The following SH2B1 variants were observed in gnomAD, a reference collection of about 807,000 sequenced individuals.
SH2B1 encodes the protein SH2B adaptor protein 1, also known as SH2B adapter protein 1.
A neutral mutation model predicts 62.6 loss-of-function variants in SH2B1; 15 were observed. The observed-to-expected ratio is 0.24, with a 90% CI of 0.16 to 0.37. SH2B1 has a LOEUF of 0.37. Ranked by LOEUF, SH2B1 falls within the 10% of genes least tolerant of loss-of-function variation. The pLI is 1.00. For missense variants in SH2B1, 925 were observed against 1,015.6 expected (o/e 0.91, Z 1.21); for synonymous variants, 443 against 438.0 (o/e 1.01, Z -0.14).
Position 28,872,442 on chromosome 16 carries a change from T to TG in SH2B1, c.1725+43dup. The TG allele has an allele frequency of 6.4e-7, 1 of 1,573,668 alleles. No homozygotes were observed. Among genetic ancestry groups the TG allele is most frequent in the Non-Finnish European group, 8.6e-7 (1 of 1,156,502 alleles). On this transcript the variant is annotated intron_variant, in intron 6 of 7. Coordinates refer to ENST00000684370, the MANE Select transcript of SH2B1 (RefSeq NM_001387430.1). This position sits in a 1 kb window ranked among gnomAD's most constrained non-coding sequence, Gnocchi z 5.3. ...GGAAAGGCTCTGTTCTGTGCATAGT[T>TG]GGCAGTGGGGTGGGGGAGCACTGCC...
chr16:28,848,535 T>G (rs1277674135), intron 1 of SH2B1, among the ~76,000 whole-genome samples: 3 of 152,110 alleles, frequency 2.0e-5, no homozygotes, highest in Non-Finnish European at 4.4e-5. Flanking sequence ...TGTTTCACAA[T>G]CAGCGCTCCC....
chr16:28,864,990 C>A lies in SH2B1; in HGVS notation c.-1105C>A, dbSNP rs769461976. Reference sequence around the variant, plus strand: ...GCTCAGAGAGGACGTGGAATTTGTTCAAGATAACATCGCTCATAAGGTGGC... The same window carrying A: ...GCTCAGAGAGGACGTGGAATTTGTTAAAGATAACATCGCTCATAAGGTGGC... On this transcript the variant is annotated 5_prime_UTR_variant, in exon 1 of 8. Coordinates refer to ENST00000684370, the MANE Select transcript of SH2B1 (RefSeq NM_001387430.1). The A allele has an allele frequency of 1.6e-6, 1 of 634,804 alleles. No homozygotes were observed. Among genetic ancestry groups the A allele is most frequent in the Non-Finnish European group, 2.0e-6 (1 of 509,946 alleles). The allele number at this position is 634,804 out of a possible 1,614,324, so 39.3% of individuals were successfully genotyped here.
chr16:28,853,042 A>G (rs1398292924), intron 1 of SH2B1, among the ~76,000 whole-genome samples: 34 of 101,068 alleles, frequency 3.4e-4, no homozygotes, highest in African/African-American at 1.7e-3. Flanking sequence ...ATGTACATAT[A>G]TATTTATATA....
intron 1 of SH2B1, among the ~76,000 whole-genome samples, chr16:28,850,897 G>A (rs915217628): frequency 4.8e-5 from 7 of 146,494 alleles, no homozygotes; most frequent in African/African-American, 1.5e-4. Flanking sequence ...AAAAAGGGCC[G>A]GACGTGGTGG....
intron 2 of SH2B1, among the ~76,000 whole-genome samples, chr16:28,867,943 C>T (rs1174491098): frequency 6.6e-6 from 1 of 152,018 alleles, no homozygotes; most frequent in East Asian, 1.9e-4. Context: ...ATTCTTGTGC[C>T]TCAGCCTCCT....
chr16:28,869,453 A>T, intron 4 of SH2B1, 70 bp downstream of exon 4: 9 of 1,423,604 alleles, frequency 6.3e-6, no homozygotes, highest in Non-Finnish European at 8.6e-6. Context: ...GTCAGGCGCC[A>T]TGCCCTCTCC....
At chr16:28,870,100 C>T (rs753878833) in intron 4 of SH2B1, among the ~76,000 whole-genome samples, 96 of 152,180 alleles carry the variant, frequency 6.3e-4, no homozygotes, top group Non-Finnish European at 2.6e-4. Context: ...GCCATGCTGT[C>T]TGTGCACCAC....
At chr16:28,862,968 T>C (rs1451518912), upstream of SH2B1, 1 of 149,032 alleles carries the variant, frequency 6.7e-6, no homozygotes, top group Non-Finnish European at 1.5e-5. Context: ...TCTAGTTCTG[T>C]TGCCTGGGCT....
At chr16:28,850,548 A>G (rs867848833) in intron 1 of SH2B1, among the ~76,000 whole-genome samples, 1 of 152,020 alleles carries the variant, frequency 6.6e-6, no homozygotes, top group African/African-American at 2.4e-5. Context: ...CCTGTGTGAC[A>G]GTGCCAGACC....
Position 28,865,503 on chromosome 16 carries a change from C to G in SH2B1, c.-592C>G, listed in dbSNP as rs982289838. 1.0e-6 allele frequency: 1 copy of G among 985,664 alleles called. No individual in the cohort carries two copies. Among genetic ancestry groups the G allele is most frequent in the African/African-American group, 1.7e-5 (1 of 57,366 alleles). The allele number at this position is 985,664 out of a possible 1,614,324, so 61.1% of individuals were successfully genotyped here. On this transcript the variant is annotated 5_prime_UTR_variant, in exon 1 of 8. Coordinates refer to ENST00000684370, the MANE Select transcript of SH2B1 (RefSeq NM_001387430.1). ...TGAGGTGCTATGGCTGAGGCTGGCC[C>G]AGCCGGGCCCTGGGGACAGGGACTA...
At chr16:28,848,715 C>A (rs183253248) in intron 1 of SH2B1, among the ~76,000 whole-genome samples, 1 of 148,716 alleles carries the variant, frequency 6.7e-6, no homozygotes, top group African/African-American at 2.5e-5. Context: ...CTCTGTTGCC[C>A]AGCTGGAGTG....
intron 1 of SH2B1, among the ~76,000 whole-genome samples, chr16:28,847,653 CA>C (rs978805825): frequency 1.3e-5 from 2 of 150,302 alleles, no homozygotes; most frequent in Admixed American, 6.6e-5. Flanking sequence ...CCTATCTCTA[CA>C]AAAAAAAATT....
rs1213561428 is a variant in SH2B1 at position 28,870,729 on chromosome 16, G to T, written c.1310-1051G>T. ...GATAGGGTCTTGTTATGTCTCCCAG[G>T]CTGGAGTGCAGTGGTGCAGTCACAG... On this transcript the variant is annotated intron_variant, in intron 4 of 7. Transcript: ENST00000684370. Among the ~76,000 whole-genome samples the T allele has an allele frequency of 3.9e-5, 6 of 152,036 alleles. No homozygotes were observed. In the East Asian group the frequency reaches 1.2e-3, roughly 29 times the overall value.
Position 28,866,840 on chromosome 16 carries a change from G to A in SH2B1, c.746G>A (p.Arg249Lys). The A allele has an allele frequency of 6.2e-7, 1 of 1,602,030 alleles. No individual in the cohort carries two copies. The highest frequency in any genetic ancestry group is 8.5e-7 in the Non-Finnish European group (1 of 1,174,298). Residue 249 changes from arginine (R) to lysine (K), a missense_variant, in exon 1 of 8, where the codon AGG becomes AAG. Transcript: ENST00000684370. This position sits in a 1 kb window ranked among gnomAD's most constrained non-coding sequence, Gnocchi z 6.3. ...AAGGATGGAGCAGGGATGGTGCAGA[G>A]GGAAGAGCTGCTGAGTTTCATGGGG... ...ALKDGAGMVQREELLSFMGAE... is the reference protein window; with the variant it reads ...ALKDGAGMVQKEELLSFMGAE...
At chr16:28,869,156 C>A (rs890761452) in intron 3 of SH2B1, 52 bp from the exon 4 acceptor site, 1 of 1,613,198 alleles carries the variant, frequency 6.2e-7, no homozygotes, top group Non-Finnish European at 8.5e-7. Flanking sequence ...AGCAGCCTTG[C>A]GCCTCTCACC....
Position 28,866,221 on chromosome 16 carries a change from C to T in SH2B1, c.127C>T (p.Arg43Cys), listed in dbSNP as rs547678855. The T allele has an allele frequency of 2.4e-5, 39 of 1,609,326 alleles. No homozygotes were observed. Among genetic ancestry groups the T allele is most frequent in the African/African-American group, 2.1e-4 (16 of 74,894 alleles). Reference protein sequence around the residue: ...HARAAALDFARRFRLYLASHP... With the variant: ...HARAAALDFACRFRLYLASHP... ...CCGGGCTGCGGCTCTGGACTTTGCC[C>T]GCCGTTTTCGCCTCTACCTGGCCTC... Residue 43 changes from arginine (R) to cysteine (C), a missense_variant, in exon 1 of 8, where the codon CGC becomes TGC. Physicochemically the swap from Arg to Cys is radical, Grantham distance 180. This residue lies in a region of SH2B1 where 683 missense variants were observed against 704.0 expected (regional missense o/e 0.97). Coordinates refer to ENST00000684370, the MANE Select transcript of SH2B1 (RefSeq NM_001387430.1). The surrounding 1 kb of genome is among the most constrained non-coding windows in gnomAD (Gnocchi z 6.3).
At position 28,873,537 on chromosome 16, in the gene SH2B1, C is replaced by T. The variant is rs190981290; in HGVS notation, c.1988C>T (p.Ala663Val). The T allele has an allele frequency of 0.01, 16,354 of 1,605,992 alleles. 137 individuals are homozygous for T. Among genetic ancestry groups the T allele is most frequent in the Non-Finnish European group, 0.012 (13,895 of 1,176,708 alleles). ...PQPGAEEASRAPEVAAAAAAA... is the reference protein window; with the variant it reads ...PQPGAEEASRVPEVAAAAAAA... ...CCTGGGGCAGAAGAGGCGTCGAGGG[C>T]GCCAGAAGTGGCGGCAGCAGCAGCC... is the stretch of plus-strand genomic sequence containing the variant. Residue 663 changes from alanine to valine, a missense_variant, in exon 8 of 8, where the codon GCG becomes GTG. Coordinates refer to ENST00000684370, the MANE Select transcript of SH2B1 (RefSeq NM_001387430.1). This position sits in a 1 kb window ranked among gnomAD's most constrained non-coding sequence, Gnocchi z 4.2.
upstream of SH2B1, among the ~76,000 whole-genome samples, chr16:28,860,650 T>G (rs1239049433): frequency 6.6e-6 from 1 of 152,120 alleles, no homozygotes; most frequent in East Asian, 1.9e-4. Context: ...ATCAATGCCT[T>G]CTAGAGACCA....
chr16:28,864,024 C>T lies in SH2B1; in HGVS notation c.-2071C>T. 6 of 1,359,752 alleles carry T rather than the reference C, an allele frequency of 4.4e-6. No individual in the cohort carries two copies. Among genetic ancestry groups the T allele is most frequent in the Non-Finnish European group, 5.7e-6 (6 of 1,053,248 alleles). 84.2% of individuals were successfully genotyped at this position (1,359,752 alleles called of 1,614,324 possible). On this transcript the variant is annotated 5_prime_UTR_variant, in exon 1 of 8. Transcript: ENST00000684370. ...CCGGCCCTGGCGCCCGAGAGGATTC[C>T]TGGGTGGGGGTGGGCGTGGAGGGCC...
Sources: gnomAD v4.1 joint callset for allele counts (sites outside exome capture counted in the v4.1 genomes callset) on GRCh38, gnomAD v4.1.1 for gene constraint, gnomAD v4.1.1 regional missense constraint, Gnocchi (gnomAD v3.1) non-coding constraint, MANE v1.5 for transcripts, NCBI Gene and HGNC (gene_info 2026-07-23, HGNC 2026-07-21) for gene names.